The following MSH3 variants were observed in gnomAD, a reference collection of about 807,000 sequenced individuals.
MSH3 encodes mutS homolog 3.
A neutral mutation model predicts 123.3 loss-of-function variants in MSH3; 106 were observed. The ratio of observed to expected loss-of-function variants is 0.86; its 90% CI spans 0.73 to 1.01. MSH3 has a LOEUF of 1.01. Ranked by LOEUF, MSH3 falls within the 50% of genes least tolerant of loss-of-function variation. The pLI, the probability that MSH3 is intolerant of heterozygous loss-of-function variation, is 0.00. For synonymous variants in MSH3, 515 were observed against 481.4 expected, an observed-to-expected ratio of 1.07 and a Z score of -0.91; for missense variants, 1,459 against 1,347.6, an observed-to-expected ratio of 1.08 and a Z score of -1.29.
chr5:80,793,945 T>C (rs551488858), intron 19 of MSH3, among the ~76,000 whole-genome samples: 1 of 152,266 alleles, frequency 6.6e-6, no homozygotes, highest in African/African-American at 2.4e-5. Flanking sequence ...CAGTGTGAAC[T>C]GAACTTGACT....
At chr5:80,709,854 G>A (rs1234356737) in intron 8 of MSH3, among the ~76,000 whole-genome samples, 1 of 152,164 alleles carries the variant, frequency 6.6e-6, no homozygotes, top group Admixed American at 6.5e-5. Context: ...GGCAGTGGCA[G>A]TTGTTTCTGA....
At chr5:80,799,499 A>ATTTT (rs1744753802) in intron 19 of MSH3, among the ~76,000 whole-genome samples, 2 of 39,006 alleles carry the variant, frequency 5.1e-5, no homozygotes, top group African/African-American at 2.1e-4. Context: ...GGAAGATAGC[A>ATTTT]CTTTTTTTTT....
intron 8 of MSH3, among the ~76,000 whole-genome samples, chr5:80,719,619 T>C (rs1218788368): frequency 6.6e-6 from 1 of 152,228 alleles, no homozygotes; most frequent in Non-Finnish European, 1.5e-5. Context: ...ATTAAAATTA[T>C]ATATTATAAA....
chr5:80,780,085 A>G (rs1350812165), intron 17 of MSH3, among the ~76,000 whole-genome samples: 1 of 152,174 alleles, frequency 6.6e-6, no homozygotes, highest in Non-Finnish European at 1.5e-5. Flanking sequence ...GTCTCAAAGA[A>G]TGCCTTATAT....
chr5:80,843,218 G>T (rs1745658159), intron 20 of MSH3, among the ~76,000 whole-genome samples: 1 of 152,162 alleles, frequency 6.6e-6, no homozygotes, highest in Non-Finnish European at 1.5e-5. Context: ...ACTGATTTGT[G>T]TATGTTGAAG....
chr5:80,825,661 A>G (rs562547087), intron 20 of MSH3, among the ~76,000 whole-genome samples: 1 of 152,334 alleles, frequency 6.6e-6, no homozygotes, highest in African/African-American at 2.4e-5. Context: ...AGGAGGCTGT[A>G]CCAGCTTAGA....
intron 17 of MSH3, among the ~76,000 whole-genome samples, chr5:80,782,205 G>A (rs1009255347): frequency 6.6e-6 from 1 of 152,078 alleles, no homozygotes; most frequent in African/African-American, 2.4e-5. Context: ...TGGATGGTGA[G>A]GTTACTGGTG....
intron 20 of MSH3, among the ~76,000 whole-genome samples, chr5:80,835,646 G>T (rs1745494733): frequency 2.0e-5 from 3 of 152,126 alleles, no homozygotes; most frequent in Admixed American, 6.5e-5. Context: ...CGGGTATGGT[G>T]GCTCATGCCT....
At chr5:80,746,565 C>G in intron 12 of MSH3, 1 of 417,548 alleles carries the variant, frequency 2.4e-6, no homozygotes, top group Non-Finnish European at 4.7e-6. Flanking sequence ...ATTGTTGGTC[C>G]TAAGGAGGGA....
intron 6 of MSH3, 148 bp downstream of exon 6, chr5:80,673,006 TG>T: frequency 1.4e-6 from 1 of 717,846 alleles, no homozygotes; most frequent in South Asian, 1.5e-5. Flanking sequence ...TGATTAGGTG[TG>T]CTATTCAAGA....
intron 20 of MSH3, among the ~76,000 whole-genome samples, chr5:80,825,105 A>G (rs902492279): frequency 2.0e-5 from 3 of 152,140 alleles, no homozygotes; most frequent in African/African-American, 7.2e-5. Context: ...TTGATTTTTT[A>G]TGAAATAATT....
chr5:80,844,608 G>T (rs144974939), intron 20 of MSH3, among the ~76,000 whole-genome samples: 125 of 152,278 alleles, frequency 8.2e-4, no homozygotes, highest in African/African-American at 2.7e-3. Flanking sequence ...ATATATTTAG[G>T]ATAGTTAAGT....
chr5:80,700,244 G>A (rs540329602), intron 8 of MSH3, among the ~76,000 whole-genome samples: 1 of 152,284 alleles, frequency 6.6e-6, no homozygotes, highest in Non-Finnish European at 1.5e-5. Context: ...AGCTGGGCAT[G>A]ATGGCACGTG....
rs78453360 is a variant in MSH3, at chr5:80,849,518, G to A, written c.2814-4612G>A. On this transcript the variant is annotated intron_variant, in intron 20 of 23. Transcript: ENST00000265081. The stretch of plus-strand genomic sequence containing the variant: ...TTCCATACATCTCTGCAATCTAAGC[G>A]GAGGTTCCCAAACCTCAGTTCTTGA... Among the ~76,000 whole-genome samples, 375 of 152,216 alleles carry A rather than the reference G, an allele frequency of 2.5e-3. 11 individuals are homozygous for A. Among genetic ancestry groups the A allele is most frequent in the East Asian group, 0.016 (83 of 5,168 alleles).
rs369098636 is a variant in MSH3, at chr5:80,658,091, C to G, written c.358+1560C>G. 1.1e-4 allele frequency among the ~76,000 whole-genome samples: 15 copies of G among 137,292 alleles called. No individual in the cohort carries two copies. In the East Asian group the frequency reaches 3.5e-3, roughly 32 times the overall value. 90.1% of individuals were successfully genotyped at this position (137,292 alleles called of 152,430 possible). On this transcript the variant is annotated intron_variant, in intron 2 of 23. Coordinates refer to ENST00000265081, the MANE Select transcript of MSH3 (RefSeq NM_002439.5). ...GCTCTGTCACCCAGGCTGGAGTGCA[C>G]TTGTGCAATCTCAGCTCACTGTAAC...
At chr5:80,770,997 A>G (rs750987197) in intron 15 of MSH3, among the ~76,000 whole-genome samples, 8 of 152,202 alleles carry the variant, frequency 5.3e-5, no homozygotes, top group Non-Finnish European at 8.8e-5. Flanking sequence ...TACTAGGTTA[A>G]GTTGATGAAT....
Position 80,854,180 on chromosome 5 carries a change from AACTG to A in MSH3, c.2871_2874del (p.Asp958GlnfsTer4), listed in dbSNP as rs1580091499. ...AAAGGACAGAGTACATTTATGGAAG[AACTG>A]ACTGACACAGCAGAAATAATCAGAA... On this transcript the variant is annotated frameshift_variant, in exon 21 of 24. Coordinates refer to ENST00000265081, the MANE Select transcript of MSH3 (RefSeq NM_002439.5). LOFTEE classifies it high-confidence loss of function. The A allele has an allele frequency of 2.5e-6, 4 of 1,613,882 alleles. No individual in the cohort carries two copies. The highest frequency in any genetic ancestry group is 2.5e-6 in the Non-Finnish European group (3 of 1,179,830).
rs768996067 is a variant in MSH3 at position 80,775,692 on chromosome 5, A to T, written c.2254-2A>T. 1 of 1,477,212 alleles carries T rather than the reference A, an allele frequency of 6.8e-7. No homozygotes were observed. Among genetic ancestry groups the T allele is most frequent in the Non-Finnish European group, 9.5e-7 (1 of 1,056,448 alleles). 91.5% of individuals were successfully genotyped at this position (1,477,212 alleles called of 1,614,324 possible). On this transcript the variant is annotated splice_acceptor_variant, in intron 15 of 23. Transcript: ENST00000265081. LOFTEE classifies it high-confidence loss of function. ...ATCTCTGTTTATTTGTATTTGTTTT[A>T]GTTTATGATAGAAATAAAGAACTCT...
At position 80,672,853 on chromosome 5, in the gene MSH3, G is replaced by C. The variant is rs1337109419; in HGVS notation, c.1022G>C (p.Gly341Ala). The change falls in exon 6 of 24, where the codon GGA (glycine) becomes GCA (alanine). Residue 341 changes from glycine (G) to alanine (A), a missense_variant. By Grantham distance (60) the Gly-to-Ala change is moderately conservative (BLOSUM62 0). Transcript: ENST00000265081. Reference protein sequence around the residue: ...TALYTKSTLIGEDVNPLIKLD... With the variant: ...TALYTKSTLIAEDVNPLIKLD... ...CTTTATACAAAATCTACACTTATTG[G>C]AGAAGATATCCTTTTTGGACGGGAG... 6.2e-7 allele frequency: 1 copy of C among 1,604,948 alleles called. No individual in the cohort carries two copies. Among genetic ancestry groups the C allele is most frequent in the East Asian group, 2.2e-5 (1 of 44,834 alleles).
Sources: gnomAD v4.1 joint callset for allele counts (sites outside exome capture counted in the v4.1 genomes callset) on GRCh38, gnomAD v4.1.1 for gene constraint, MANE v1.5 for transcripts, NCBI Gene and HGNC (gene_info 2026-07-23, HGNC 2026-07-21) for gene names.